Variants in CCDC91 observed in about 807,000 individuals in gnomAD.
The protein encoded by CCDC91 is coiled-coil domain-containing protein 91.
Under a neutral mutation model 63.2 loss-of-function variants are expected in CCDC91, and 48 were observed. That is an observed-to-expected ratio of 0.76 (90% confidence interval 0.60 to 0.97). The LOEUF (loss-of-function observed/expected upper bound fraction) is 0.97, where lower values mean the gene tolerates loss of function less well. Among genes scored for constraint, CCDC91 ranks in the 50% least tolerant of loss-of-function variants. The pLI is 0.00. For synonymous variants in CCDC91, 167 were observed against 165.8 expected, an observed-to-expected ratio of 1.01 and a Z score of -0.06; for missense variants, 500 against 494.6, an observed-to-expected ratio of 1.01 and a Z score of -0.10.
At chr12:28,369,934 G>A (rs186150464) in intron 7 of CCDC91, among the ~76,000 whole-genome samples, 27 of 152,212 alleles carry the variant, frequency 1.8e-4, no homozygotes, top group South Asian at 1.5e-3. Flanking sequence ...AGAGCAGTGC[G>A]GCCCTGAGAC....
intron 3 of CCDC91, among the ~76,000 whole-genome samples, chr12:28,276,694 A>AT (rs1948251030): frequency 1.3e-5 from 2 of 151,850 alleles, no homozygotes; most frequent in East Asian, 1.9e-4. Context: ...AAGGACAGTG[A>AT]TTTTTTTATG....
chr12:28,323,380 A>G lies in CCDC91; in HGVS notation c.576+15631A>G, dbSNP rs367997903. Among the ~76,000 whole-genome samples the G allele has an allele frequency of 1.2e-4, 18 of 151,910 alleles. No individual in the cohort carries two copies. The East Asian group carries it at 1.6e-3, about 13-fold the overall frequency. ...AGCTTGTTACCATGACAATATTTGT[A>G]AAACAGTCCCTCTTGTCCCTTCTTA... On this transcript the variant is annotated intron_variant, in intron 6 of 12. Transcript: ENST00000536442.
At chr12:28,397,248 C>T (rs1946348442) in intron 8 of CCDC91, among the ~76,000 whole-genome samples, 1 of 152,074 alleles carries the variant, frequency 6.6e-6, no homozygotes, top group African/African-American at 2.4e-5. Context: ...GAAAGTATCA[C>T]TAACAAGAGT....
intron 3 of CCDC91, among the ~76,000 whole-genome samples, chr12:28,263,030 G>GT (rs1360812565): frequency 6.6e-6 from 1 of 151,882 alleles, no homozygotes; most frequent in Non-Finnish European, 1.5e-5. Flanking sequence ...CCCATTGTCT[G>GT]TTCCTATATT....
rs1190808498 is a variant in CCDC91 at position 28,331,339 on chromosome 12, G to A, written c.576+23590G>A. 7.2e-5 allele frequency among the ~76,000 whole-genome samples: 11 copies of A among 152,192 alleles called. No individual in the cohort carries two copies. The East Asian group carries it at 2.1e-3, about 29-fold the overall frequency. Reference sequence around the variant, plus strand: ...AGACTGGGTATTTGCAGCCAGCACAGCTGTCTTCCTGACAGAGGTTCATGT... The same window carrying A: ...AGACTGGGTATTTGCAGCCAGCACAACTGTCTTCCTGACAGAGGTTCATGT... On this transcript the variant is annotated intron_variant, in intron 6 of 12. Coordinates refer to ENST00000536442, the MANE Select transcript of CCDC91 (RefSeq NM_018318.5).
intron 1 of CCDC91, among the ~76,000 whole-genome samples, chr12:28,244,360 A>G (rs1945560683): frequency 6.6e-6 from 1 of 152,194 alleles, no homozygotes; most frequent in African/African-American, 2.4e-5. Context: ...AAAGTCAGAA[A>G]TGATAAAAGC....
chr12:28,376,152 C>T (rs910237565), intron 7 of CCDC91, among the ~76,000 whole-genome samples: 1 of 151,660 alleles, frequency 6.6e-6, no homozygotes, highest in Non-Finnish European at 1.5e-5. Context: ...ATTCTGCTAC[C>T]CCATGGGAAT....
intron 6 of CCDC91, among the ~76,000 whole-genome samples, chr12:28,325,940 C>G (rs1459941784): frequency 6.6e-6 from 1 of 151,988 alleles, no homozygotes; most frequent in Non-Finnish European, 1.5e-5. Context: ...CAGTAAGGAA[C>G]TATAGGAAAT....
At chr12:28,491,937 G>A (rs1348991828) in intron 12 of CCDC91, among the ~76,000 whole-genome samples, 2 of 145,086 alleles carry the variant, frequency 1.4e-5, no homozygotes, top group African/African-American at 2.6e-5. Flanking sequence ...ATCAAAATGT[G>A]TGTGTGCGTG....
At chr12:28,299,327 T>C (rs1937778730) in intron 3 of CCDC91, among the ~76,000 whole-genome samples, 1 of 151,636 alleles carries the variant, frequency 6.6e-6, no homozygotes, top group Non-Finnish European at 1.5e-5. Context: ...CTTCTCATTT[T>C]TCTTATTCTC....
At chr12:28,276,132 A>G (rs1398034162) in intron 3 of CCDC91, among the ~76,000 whole-genome samples, 2 of 152,000 alleles carry the variant, frequency 1.3e-5, no homozygotes, top group African/African-American at 4.8e-5. Flanking sequence ...TATGTAAGTA[A>G]TTTATGAATT....
intron 6 of CCDC91, among the ~76,000 whole-genome samples, chr12:28,359,173 C>T (rs1379520280): frequency 2.0e-5 from 3 of 151,972 alleles, no homozygotes; most frequent in Admixed American, 6.6e-5. Flanking sequence ...GGATTACGGG[C>T]GTGAGCCACA....
Position 28,303,715 on chromosome 12 carries a change from A to G in CCDC91, c.110-1934A>G, listed in dbSNP as rs112523420. Among the ~76,000 whole-genome samples, 133 of 152,158 alleles carry G rather than the reference A, an allele frequency of 8.7e-4. No individual in the cohort carries two copies. The East Asian group carries it at 0.022, about 26-fold the overall frequency. ...GCTTTACATGTTTTCCACAATTTCA[A>G]CCTTATCAGCAAAATCTCTGCCCAT... On this transcript the variant is annotated intron_variant, in intron 3 of 12. Coordinates refer to ENST00000536442, the MANE Select transcript of CCDC91 (RefSeq NM_018318.5).
At chr12:28,305,510 ATTTT>A (rs1938613769) in intron 3 of CCDC91, 135 bp from the exon 4 acceptor site, 1 of 733,992 alleles carries the variant, frequency 1.4e-6, no homozygotes, top group Non-Finnish European at 2.1e-6. Flanking sequence ...TAGAATCCTG[ATTTT>A]TCACTCTCAT....
Position 28,458,508 on chromosome 12 carries a change from C to T in CCDC91, c.1101+5854C>T, listed in dbSNP as rs571382157. Among the ~76,000 whole-genome samples the T allele has an allele frequency of 5.7e-3, 629 of 111,324 alleles. 8 individuals carry two copies. Among genetic ancestry groups the T allele is most frequent in the Middle Eastern group, 0.02 (2 of 100 alleles). 73.0% of individuals were successfully genotyped at this position (111,324 alleles called of 152,430 possible). ...TTTTTAAGATGGAGTCTCACTCTGT[C>T]GCCCAGGCTGGATTGCAGGGGTGCT... On this transcript the variant is annotated intron_variant, in intron 11 of 12. Coordinates refer to ENST00000536442, the MANE Select transcript of CCDC91 (RefSeq NM_018318.5).
In CCDC91 at chr12:28,550,123, G is replaced by A. The variant is rs1038718485; in HGVS notation, c.*950G>A. 22 of 151,726 alleles carry A rather than the reference G, an allele frequency of 1.4e-4. No homozygotes were observed. The highest frequency in any genetic ancestry group is 6.2e-4 in the South Asian group (3 of 4,810). The allele number at this position is 151,726 out of a possible 1,614,324, so 9.4% of individuals were successfully genotyped here. A position where few individuals can be genotyped will look rare whatever the true frequency, so the allele number is the denominator to read the frequency against. ...GCATCTACTTTCATGGGCTTTGTAC[G>A]TTTCTGAGATTTCTCAGTGTAATAA... On this transcript the variant is annotated 3_prime_UTR_variant, in exon 13 of 13. Transcript: ENST00000536442.
At chr12:28,497,713 A>G (rs1952384007) in intron 12 of CCDC91, among the ~76,000 whole-genome samples, 8 of 151,606 alleles carry the variant, frequency 5.3e-5, no homozygotes, top group Admixed American at 5.3e-4. Context: ...GTATAATGTG[A>G]TTAATACCTT....
intron 12 of CCDC91, among the ~76,000 whole-genome samples, chr12:28,507,838 G>A (rs767472359): frequency 6.6e-6 from 1 of 151,992 alleles, no homozygotes; most frequent in South Asian, 2.1e-4. Flanking sequence ...AGCACCTATC[G>A]GGGTGGAGGA....
At chr12:28,421,360 C>A (rs1312598859) in intron 8 of CCDC91, among the ~76,000 whole-genome samples, 1 of 151,948 alleles carries the variant, frequency 6.6e-6, no homozygotes, top group Non-Finnish European at 1.5e-5. Flanking sequence ...TCCCTCTTCC[C>A]ACCCTCCACC....
Sources: allele counts gnomAD v4.1 joint callset (sites outside exome capture counted in the v4.1 genomes callset), GRCh38; gene constraint gnomAD v4.1.1; transcripts MANE v1.5; gene names NCBI Gene and HGNC (gene_info 2026-07-23, HGNC 2026-07-21).